CSMD1: variants seen among roughly 807,000 people sequenced by gnomAD.
CSMD1 encodes the protein CUB and sushi domain-containing protein 1.
CSMD1 carries 213 observed loss-of-function variants against 417.5 expected under a neutral mutation model. That is an observed-to-expected ratio of 0.51 (90% CI 0.46 to 0.57). The LOEUF is 0.57. CSMD1 is among the 20% of genes least tolerant of loss of function. The probability of loss-of-function intolerance (pLI) is 0.00; values close to 1 mark genes in which losing one functional copy is unlikely to be tolerated. For missense variants in CSMD1, 6,923 were observed against 4,529.7 expected, an observed-to-expected ratio of 1.53 and a Z score of -15.17; for synonymous variants, 2,862 against 1,736.8, an observed-to-expected ratio of 1.65 and a Z score of -16.11.
intron 49 of CSMD1, among the ~76,000 whole-genome samples, chr8:3,054,696 C>T (rs1367332994): frequency 6.6e-6 from 1 of 152,064 alleles, no homozygotes; most frequent in Non-Finnish European, 1.5e-5. Flanking sequence ...CATGTGCGCA[C>T]GTGTGTACGT....
At chr8:3,377,921 C>A (rs995661646) in intron 18 of CSMD1, among the ~76,000 whole-genome samples, 1 of 152,198 alleles carries the variant, frequency 6.6e-6, no homozygotes, top group Non-Finnish European at 1.5e-5. Context: ...CTCTTTCTAT[C>A]TAACTTTATG....
intron 1 of CSMD1, among the ~76,000 whole-genome samples, chr8:4,676,705 A>G (rs1805704328): frequency 1.3e-5 from 2 of 152,118 alleles, no homozygotes; most frequent in African/African-American, 2.4e-5. Flanking sequence ...ATGTCACGTC[A>G]TAGTTTGTGT....
intron 2 of CSMD1, among the ~76,000 whole-genome samples, chr8:4,432,878 TG>T (rs1430669544): frequency 3.3e-5 from 5 of 152,216 alleles, no homozygotes; most frequent in African/African-American, 1.2e-4. Context: ...GCCACGAATG[TG>T]GCTGCCCATC....
chr8:3,489,194 C>G (rs1350528914), intron 11 of CSMD1, among the ~76,000 whole-genome samples: 2 of 152,104 alleles, frequency 1.3e-5, no homozygotes, highest in African/African-American at 2.4e-5. Context: ...CTCAGCCATG[C>G]CAGGCAGTGT....
At chr8:4,147,708 T>G (rs1398748052) in intron 3 of CSMD1, among the ~76,000 whole-genome samples, 1 of 152,092 alleles carries the variant, frequency 6.6e-6, no homozygotes, top group Non-Finnish European at 1.5e-5. Context: ...ATGGTCAGGT[T>G]TCAGATGCAG....
intron 3 of CSMD1, among the ~76,000 whole-genome samples, chr8:4,275,597 G>C (rs965638606): frequency 6.6e-6 from 1 of 152,050 alleles, no homozygotes; most frequent in Non-Finnish European, 1.5e-5. Flanking sequence ...AGGTAATATT[G>C]TAATTTTTAA....
intron 15 of CSMD1, among the ~76,000 whole-genome samples, chr8:3,400,455 AT>A (rs1811969143): frequency 6.6e-6 from 1 of 152,144 alleles, no homozygotes; most frequent in Admixed American, 6.5e-5. Context: ...CATTTTAGCC[AT>A]GTTTTGATGC....
intron 5 of CSMD1, among the ~76,000 whole-genome samples, chr8:3,786,299 G>A (rs1335926492): frequency 6.6e-6 from 1 of 152,116 alleles, no homozygotes; most frequent in Non-Finnish European, 1.5e-5. Flanking sequence ...GAGACCTGAG[G>A]GTGGAGACAA....
intron 3 of CSMD1, among the ~76,000 whole-genome samples, chr8:4,181,354 CATTT>C (rs745880992): frequency 2.1e-4 from 31 of 145,662 alleles, no homozygotes; most frequent in African/African-American, 4.5e-4. Context: ...TACGGTTTCT[CATTT>C]ATTTATTTAT....
intron 3 of CSMD1, among the ~76,000 whole-genome samples, chr8:4,143,486 G>T (rs183840956): frequency 2.0e-5 from 3 of 149,998 alleles, no homozygotes; most frequent in Non-Finnish European, 4.4e-5. Flanking sequence ...ATGGCTCATA[G>T]TTAAAGCTGG....
chr8:3,090,040 G>A (rs992351631), intron 48 of CSMD1, among the ~76,000 whole-genome samples: 4 of 152,064 alleles, frequency 2.6e-5, no homozygotes, highest in East Asian at 3.9e-4. Flanking sequence ...TCGGCCGGGC[G>A]CGGTGGCTTA....
intron 7 of CSMD1, among the ~76,000 whole-genome samples, chr8:3,648,513 T>C (rs1797690116): frequency 6.6e-6 from 1 of 152,196 alleles, no homozygotes; most frequent in Non-Finnish European, 1.5e-5. Flanking sequence ...TTTGGACCTG[T>C]TGAAAAGTTG....
intron 3 of CSMD1, among the ~76,000 whole-genome samples, chr8:4,209,792 G>C (rs568443411): frequency 1.8e-4 from 28 of 152,208 alleles, no homozygotes; most frequent in African/African-American, 6.0e-4. Flanking sequence ...TGGCAGCTCA[G>C]AGGCTGTTCT....
chr8:4,746,962 A>C (rs967168759), intron 1 of CSMD1, among the ~76,000 whole-genome samples: 11 of 152,256 alleles, frequency 7.2e-5, no homozygotes, highest in African/African-American at 2.6e-4. Context: ...CAAATTAGAG[A>C]GAGGGAAGAA....
intron 3 of CSMD1, among the ~76,000 whole-genome samples, chr8:4,285,333 T>A (rs1431443640): frequency 6.6e-6 from 1 of 152,224 alleles, no homozygotes; most frequent in Admixed American, 6.5e-5. Flanking sequence ...TTACTTTATA[T>A]TTCATTTAGA....
chr8:3,642,060 C>T (rs1037958048), intron 7 of CSMD1, among the ~76,000 whole-genome samples: 6 of 152,090 alleles, frequency 3.9e-5, no homozygotes, highest in South Asian at 2.1e-4. Context: ...ACTTCTACTT[C>T]GATGGATACA....
intron 3 of CSMD1, among the ~76,000 whole-genome samples, chr8:4,134,639 C>G (rs1467333649): frequency 6.6e-6 from 1 of 152,152 alleles, no homozygotes; most frequent in Non-Finnish European, 1.5e-5. Context: ...TCTGATTCTA[C>G]CTTTAAAATA....
intron 3 of CSMD1, among the ~76,000 whole-genome samples, chr8:4,191,154 T>C (rs988302685): frequency 1.3e-4 from 20 of 152,222 alleles, no homozygotes; most frequent in African/African-American, 4.8e-4. Flanking sequence ...CCCAGCACTT[T>C]GGGAGGCCGA....
At chr8:3,271,382 T>G (rs1019311319) in intron 26 of CSMD1, among the ~76,000 whole-genome samples, 25 of 152,016 alleles carry the variant, frequency 1.6e-4, no homozygotes, top group Non-Finnish European at 2.2e-4. Flanking sequence ...AATGCCACAA[T>G]AAACATACGT....
Sources: allele counts gnomAD v4.1 joint callset (sites outside exome capture counted in the v4.1 genomes callset), GRCh38; gene constraint gnomAD v4.1.1; transcripts MANE v1.5; gene names NCBI Gene and HGNC (gene_info 2026-07-23, HGNC 2026-07-21).